Variants in DIXDC1 observed in about 807,000 individuals in gnomAD.
The protein encoded by DIXDC1 is dixin.
A neutral mutation model predicts 103.1 loss-of-function variants in DIXDC1; 64 were observed. The ratio of observed to expected loss-of-function variants is 0.62; its 90% confidence interval spans 0.51 to 0.76. The LOEUF is 0.76. Among genes scored for constraint, DIXDC1 ranks in the 30% least tolerant of loss-of-function variants. DIXDC1 has a pLI of 0.00. For missense variants in DIXDC1, 759 were observed against 834.2 expected, an observed-to-expected ratio of 0.91 and a Z score of 1.11; for synonymous variants, 266 against 298.5, an observed-to-expected ratio of 0.89 and a Z score of 1.12.
At position 111,966,607 on chromosome 11, in the gene DIXDC1, G is replaced by A. The variant is rs587642100; in HGVS notation, c.191-1906G>A. Among the ~76,000 whole-genome samples the A allele has an allele frequency of 9.2e-5, 14 of 152,130 alleles. No individual in the cohort carries two copies. The East Asian group carries it at 2.7e-3, about 29-fold the overall frequency. Reference sequence around the variant, plus strand: ...TTTAGTAGAGACGGGGTTTCACCTTGTTGGCCAGGATGGTCTCGATCTCTT... The same window carrying A: ...TTTAGTAGAGACGGGGTTTCACCTTATTGGCCAGGATGGTCTCGATCTCTT... On this transcript the variant is annotated intron_variant, in intron 2 of 19. Transcript: ENST00000440460.
intron 1 of DIXDC1, among the ~76,000 whole-genome samples, chr11:111,943,212 C>T (rs1966474693): frequency 6.6e-6 from 1 of 152,218 alleles, no homozygotes; most frequent in Admixed American, 6.5e-5. Flanking sequence ...TCTCAGCTCA[C>T]TGCAACCTCC....
At chr11:111,968,820 G>A (rs782439365) in intron 3 of DIXDC1, among the ~76,000 whole-genome samples, 182 bp downstream of exon 3, 1 of 151,938 alleles carries the variant, frequency 6.6e-6, no homozygotes, top group Non-Finnish European at 1.5e-5. Flanking sequence ...TCTTGCCCAG[G>A]CTGGAGTGCA....
chr11:111,995,468 T>A lies in DIXDC1; in HGVS notation c.1593T>A (p.Asp531Glu). The change falls in exon 16 of 20, where the codon GAT becomes GAA. Residue 531 changes from aspartate (D) to glutamate (E), a missense_variant. Transcript: ENST00000440460. ...TGCGCAACAGCTTCAGTGGCCACGATCCTCAGCACCACACTATTGACAGCT... is the reference window on the plus strand; with the variant it reads ...TGCGCAACAGCTTCAGTGGCCACGAACCTCAGCACCACACTATTGACAGCT... ...RSLRNSFSGH[D>E]PQHHTIDSLE... is the part of the protein sequence containing the mutation. 1 of 1,613,962 alleles carries A rather than the reference T, an allele frequency of 6.2e-7. No homozygotes were observed. The highest frequency in any genetic ancestry group is 8.5e-7 in the Non-Finnish European group (1 of 1,179,900).
At chr11:111,963,132 G>GCTAACT (rs374444354) in intron 1 of DIXDC1, among the ~76,000 whole-genome samples, 30 of 152,292 alleles carry the variant, frequency 2.0e-4, no homozygotes, top group African/African-American at 6.7e-4. Context: ...TGGAGATAAT[G>GCTAACT]CTAACTCTAG....
At position 111,993,670 on chromosome 11, in the gene DIXDC1, T is replaced by C. The variant is rs1860784176; in HGVS notation, c.1367T>C (p.Val456Ala). Residue 456 changes from valine to alanine, a missense_variant and splice_region_variant, in exon 14 of 20, where the codon GTG becomes GCG. Val to Ala is a moderately conservative substitution (Grantham distance 64). This residue lies in a region of DIXDC1 where 657 missense variants were observed against 727.5 expected (regional missense o/e 0.90). Coordinates refer to ENST00000440460, the MANE Select transcript of DIXDC1 (RefSeq NM_001037954.4). The stretch of plus-strand genomic sequence containing the variant: ...TCTGATTTAGTGTCTATTTTGCAGG[T>C]GGATCTAGAGCGAGAGCTAGAACAC... ...RKLSDVSYHQVDLERELEHKD... is the reference protein window; with the variant it reads ...RKLSDVSYHQADLERELEHKD... 1 of 1,614,010 alleles carries C rather than the reference T, an allele frequency of 6.2e-7. No individual in the cohort carries two copies. Among genetic ancestry groups the C allele is most frequent in the East Asian group, 2.2e-5 (1 of 44,886 alleles).
At chr11:111,943,722 G>C (rs587596416) in intron 1 of DIXDC1, among the ~76,000 whole-genome samples, 4 of 151,634 alleles carry the variant, frequency 2.6e-5, no homozygotes, top group African/African-American at 9.7e-5. Flanking sequence ...GGATGGTCTC[G>C]ATCTCCTGAC....
intron 4 of DIXDC1, 88 bp downstream of exon 4, chr11:111,974,342 A>T: frequency 7.7e-7 from 1 of 1,293,672 alleles, no homozygotes; most frequent in South Asian, 1.5e-5. Context: ...TAGAAACGTC[A>T]CCCAAACAGC....
At position 111,977,590 on chromosome 11, in the gene DIXDC1, C is replaced by T; in HGVS notation, c.656+2607C>T. 1 of 1,507,262 alleles carries T rather than the reference C, an allele frequency of 6.6e-7. No individual in the cohort carries two copies. Among genetic ancestry groups the T allele is most frequent in the African/African-American group, 1.4e-5 (1 of 71,142 alleles). 93.4% of individuals were successfully genotyped at this position (1,507,262 alleles called of 1,614,324 possible). The stretch of plus-strand genomic sequence containing the variant: ...GTCGCTGGGGCCGAGACGCCGCCGC[C>T]GCCGCCGTTCCCGCTTTCTCCCGCG... On this transcript the variant is annotated intron_variant, in intron 5 of 19. Transcript: ENST00000440460. This position sits in a 1 kb window ranked among gnomAD's most constrained non-coding sequence, Gnocchi z 6.1.
chr11:112,012,812 C>G (rs1451814669), intron 17 of DIXDC1, among the ~76,000 whole-genome samples: 6 of 152,142 alleles, frequency 3.9e-5, no homozygotes, highest in African/African-American at 1.4e-4. Flanking sequence ...CTTGAAAAGT[C>G]TATGCAATCC....
chr11:111,997,009 C>A (rs1305884954), intron 17 of DIXDC1, among the ~76,000 whole-genome samples: 1 of 152,120 alleles, frequency 6.6e-6, no homozygotes, highest in Non-Finnish European at 1.5e-5. Context: ...AGCTACCCTG[C>A]CTGGTAATTT....
upstream of DIXDC1, among the ~76,000 whole-genome samples, chr11:111,935,766 T>G (rs1555168061): frequency 6.6e-6 from 1 of 152,206 alleles, no homozygotes; most frequent in Non-Finnish European, 1.5e-5. Flanking sequence ...ACAGTGGTCT[T>G]TGGACTTGTG....
At chr11:112,005,862 G>A (rs1276044533) in intron 17 of DIXDC1, among the ~76,000 whole-genome samples, 2 of 152,092 alleles carry the variant, frequency 1.3e-5, no homozygotes, top group African/African-American at 4.8e-5. Context: ...AACCTGGGCC[G>A]GGTGTGGTGG....
intron 5 of DIXDC1, chr11:111,975,248 G>A: frequency 1.6e-6 from 2 of 1,256,352 alleles, no homozygotes; most frequent in Non-Finnish European, 2.0e-6. Context: ...TGGGGGCATG[G>A]CTGGAACCTG....
intron 17 of DIXDC1, among the ~76,000 whole-genome samples, chr11:112,013,965 G>A (rs1362431325): frequency 3.3e-5 from 5 of 152,202 alleles, no homozygotes; most frequent in African/African-American, 7.2e-5. Context: ...GAGGAAGCAA[G>A]AGAGTGGAGG....
At chr11:111,989,354 G>C (rs1372510647) in intron 10 of DIXDC1, among the ~76,000 whole-genome samples, 2 of 152,184 alleles carry the variant, frequency 1.3e-5, no homozygotes, top group Non-Finnish European at 2.9e-5. Context: ...GCCGGGCGCG[G>C]TGGCTCACGC....
At chr11:112,007,583 A>T (rs1463035236) in intron 17 of DIXDC1, among the ~76,000 whole-genome samples, 1 of 152,256 alleles carries the variant, frequency 6.6e-6, no homozygotes, top group African/African-American at 2.4e-5. Flanking sequence ...CACAAAGGGA[A>T]ACCCATCAGA....
chr11:111,976,506 A>C lies in DIXDC1; in HGVS notation c.656+1523A>C, dbSNP rs1325058199. Among the ~76,000 whole-genome samples the C allele has an allele frequency of 6.6e-6, 1 of 152,170 alleles. No individual in the cohort carries two copies. Among genetic ancestry groups the C allele is most frequent in the South Asian group, 2.1e-4 (1 of 4,826 alleles). ...CTGACCCCTCATCCAGCTCTTTGGC[A>C]TGCTGGGTTAGTAGCTGCCTTTTCC... On this transcript the variant is annotated intron_variant, in intron 5 of 19. Transcript: ENST00000440460. This position sits in a 1 kb window ranked among gnomAD's most constrained non-coding sequence, Gnocchi z 4.3.
intron 2 of DIXDC1, chr11:111,930,057 T>C (rs1965963211): frequency 2.8e-6 from 2 of 715,590 alleles, no homozygotes; most frequent in Non-Finnish European, 4.4e-6. Flanking sequence ...TTCCTTCTTG[T>C]GGAAATTCTA....
At chr11:111,992,097 C>T (rs1434226170) in intron 10 of DIXDC1, among the ~76,000 whole-genome samples, 21 of 152,194 alleles carry the variant, frequency 1.4e-4, no homozygotes, top group African/African-American at 4.8e-4. Flanking sequence ...TCTATCTGAT[C>T]CCAAAGTCCA....
Sources: gnomAD v4.1 joint callset for allele counts (sites outside exome capture counted in the v4.1 genomes callset) on GRCh38, gnomAD v4.1.1 for gene constraint, gnomAD v4.1.1 regional missense constraint, Gnocchi (gnomAD v3.1) non-coding constraint, MANE v1.5 for transcripts, NCBI Gene and HGNC (gene_info 2026-07-23, HGNC 2026-07-21) for gene names.